The following MREG variants were observed in gnomAD, a reference collection of about 807,000 sequenced individuals.
The protein encoded by MREG is melanoregulin.
Under a neutral mutation model 28.5 loss-of-function variants are expected in MREG, and 31 were observed. The ratio of observed to expected loss-of-function variants is 1.09; its 90% CI spans 0.82 to 1.47. The LOEUF (loss-of-function observed/expected upper bound fraction) is 1.47. MREG is among the 40% of genes most tolerant of loss of function. MREG has a pLI of 0.00. For missense variants in MREG, 256 were observed against 257.4 expected (o/e 0.99, Z 0.04); for synonymous variants, 106 against 95.2 (o/e 1.11, Z -0.66).
chr2:216,018,541 T>A (rs1300404383), upstream of MREG, among the ~76,000 whole-genome samples: 1 of 152,142 alleles, frequency 6.6e-6, no homozygotes, highest in African/African-American at 2.4e-5. Context: ...GCTGCCCACA[T>A]CCAGCAGAGA....
At position 215,944,365 on chromosome 2, in the gene MREG, G is replaced by A. The variant is rs936993626; in HGVS notation, c.*498C>T. 1 of 152,398 alleles carries A rather than the reference G, an allele frequency of 6.6e-6. No homozygotes were observed. Among genetic ancestry groups the A allele is most frequent in the Non-Finnish European group, 1.5e-5 (1 of 68,218 alleles). 9.4% of individuals were successfully genotyped at this position (152,398 alleles called of 1,614,324 possible). On this transcript the variant is annotated 3_prime_UTR_variant, in exon 5 of 5. Coordinates refer to ENST00000263268, the MANE Select transcript of MREG (RefSeq NM_018000.3). Reference sequence around the variant, plus strand: ...AAGAGATGCCCTGACACCCTCCAAGGTTCTACAAGGTGACCAAATCAGAGA... The same window carrying A: ...AAGAGATGCCCTGACACCCTCCAAGATTCTACAAGGTGACCAAATCAGAGA...
At position 215,989,338 on chromosome 2, in the gene MREG, G is replaced by A. The variant is rs568434332; in HGVS notation, c.255+6968C>T. Among the ~76,000 whole-genome samples, 9 of 152,290 alleles carry A rather than the reference G, an allele frequency of 5.9e-5. No homozygotes were observed. In the South Asian group the frequency reaches 1.7e-3, roughly 28 times the overall value. ...AGAAGGAAAACTAACAAACAGAAAG[G>A]AATAGCATCAACATGAACAAAAAGA... On this transcript the variant is annotated intron_variant, in intron 2 of 4. Transcript: ENST00000263268.
intron 2 of MREG, among the ~76,000 whole-genome samples, chr2:215,984,546 T>TAAAAAAAAAAAAAAAAAAAAAA (rs1693515801): frequency 9.1e-6 from 1 of 110,148 alleles, no homozygotes; most frequent in African/African-American, 3.7e-5. Flanking sequence ...AAAAAAAAAT[T>TAAAAAAAAAAAAAAAAAAAAAA]AAGGCTTTTT....
At chr2:215,988,143 G>A (rs368155381) in intron 2 of MREG, among the ~76,000 whole-genome samples, 4 of 152,182 alleles carry the variant, frequency 2.6e-5, no homozygotes, top group East Asian at 3.9e-4. Flanking sequence ...TGCAGCTCAC[G>A]GTGAGATCAA....
chr2:216,019,992 C>T (rs1451927088), intron 1 of MREG, among the ~76,000 whole-genome samples: 1 of 151,936 alleles, frequency 6.6e-6, no homozygotes, highest in East Asian at 1.9e-4. Context: ...ATAATTCTGC[C>T]CTTTTAAAAA....
chr2:215,975,205 A>G (rs1290590807), intron 2 of MREG, among the ~76,000 whole-genome samples: 2 of 152,044 alleles, frequency 1.3e-5, no homozygotes, highest in Non-Finnish European at 2.9e-5. Context: ...ATACCCATTT[A>G]GCAATAGATC....
chr2:215,945,543 G>A (rs1390258723), intron 4 of MREG, 28 bp downstream of exon 4: 5 of 1,599,410 alleles, frequency 3.1e-6, no homozygotes, highest in Admixed American at 1.8e-5. Flanking sequence ...AGCAAAATTA[G>A]GGCAAATGAA....
At chr2:215,984,518 C>CAAAAAAAAAAAAAAAAAAAAAAAAA (rs375220091) in intron 2 of MREG, among the ~76,000 whole-genome samples, 2 of 68,064 alleles carry the variant, frequency 2.9e-5, no homozygotes, top group African/African-American at 1.4e-4. Context: ...ACCTTGTCAC[C>CAAAAAAAAAAAAAAAAAAAAAAAAA]AAAAAAAAAA....
rs1442410261 is a variant in MREG at position 215,996,239 on chromosome 2, C to T, written c.255+67G>A. On this transcript the variant is annotated intron_variant, in intron 2 of 4. Coordinates refer to ENST00000263268, the MANE Select transcript of MREG (RefSeq NM_018000.3). The stretch of plus-strand genomic sequence containing the variant: ...CTTTTTGTTATTTCAAGGGGATCTT[C>T]TCAGGAATTACTATTTTTTACTATA... 3.1e-5 allele frequency: 45 copies of T among 1,459,524 alleles called. 1 individual carries two copies. In the South Asian group the frequency reaches 4.2e-4, roughly 14 times the overall value. The allele number at this position is 1,459,524 out of a possible 1,614,324, so 90.4% of individuals were successfully genotyped here.
intron 2 of MREG, among the ~76,000 whole-genome samples, chr2:215,957,916 C>T (rs551062314): frequency 6.6e-6 from 1 of 152,206 alleles, no homozygotes; most frequent in East Asian, 1.9e-4. Flanking sequence ...CCATGGAATA[C>T]TACGCAGCCA....
chr2:216,008,993 G>A (rs926788929), intron 1 of MREG, among the ~76,000 whole-genome samples: 2 of 152,166 alleles, frequency 1.3e-5, no homozygotes, highest in Non-Finnish European at 2.9e-5. Flanking sequence ...GCCCTATGAA[G>A]CACAGCTGAT....
Position 216,013,423 on chromosome 2 carries a change from G to A in MREG, c.-96C>T. 3 of 841,202 alleles carry A rather than the reference G, an allele frequency of 3.6e-6. No homozygotes were observed. In the African/African-American group the frequency reaches 5.4e-5, roughly 15 times the overall value. 52.1% of individuals were successfully genotyped at this position (841,202 alleles called of 1,614,324 possible). A position where few individuals can be genotyped will look rare whatever the true frequency, so the allele number is the denominator to read the frequency against. ...GCGCGGCCACCGCGCCAGCGTCCAGGTGCGGGGACAGCGGCAGCCCGGGCG... is the reference window on the plus strand; with the variant it reads ...GCGCGGCCACCGCGCCAGCGTCCAGATGCGGGGACAGCGGCAGCCCGGGCG... On this transcript the variant is annotated 5_prime_UTR_variant, in exon 1 of 5. Coordinates refer to ENST00000263268, the MANE Select transcript of MREG (RefSeq NM_018000.3).
rs530408003 is a variant in MREG, at chr2:215,961,425, C to T, written c.256-14312G>A. Among the ~76,000 whole-genome samples, 9 of 152,016 alleles carry T rather than the reference C, an allele frequency of 5.9e-5. No homozygotes were observed. The South Asian group carries it at 1.5e-3, about 25-fold the overall frequency. On this transcript the variant is annotated intron_variant, in intron 2 of 4. Transcript: ENST00000263268. ...GTATCAGATTCACATGCAGGCCCCC[C>T]GCCTTTTTTGTTTTTTTTGAGACAG...
chr2:216,009,024 A>G (rs1694230736), intron 1 of MREG, among the ~76,000 whole-genome samples: 1 of 152,202 alleles, frequency 6.6e-6, no homozygotes, highest in African/African-American at 2.4e-5. Context: ...TGTGGTAGTT[A>G]GGTTCTGTAA....
chr2:215,947,159 A>C, intron 2 of MREG, 46 bp from the exon 3 acceptor site: 1 of 1,261,754 alleles, frequency 7.9e-7, no homozygotes, highest in Non-Finnish European at 1.1e-6. Flanking sequence ...CCTTGGCTTA[A>C]ACCTCTATCT....
intron 3 of MREG, among the ~76,000 whole-genome samples, chr2:215,946,817 G>A (rs1310218268): frequency 8.5e-5 from 13 of 152,184 alleles, no homozygotes. Flanking sequence ...GGCAGAGTGT[G>A]TCCTGAAGAC....
upstream of MREG, among the ~76,000 whole-genome samples, chr2:216,014,663 A>T (rs182652039): frequency 1.9e-3 from 289 of 150,516 alleles, no homozygotes; most frequent in Non-Finnish European, 2.9e-3. Context: ...AAAAAAAAAT[A>T]AAATTAAAGA....
intron 2 of MREG, among the ~76,000 whole-genome samples, chr2:215,980,844 G>T (rs1006684899): frequency 1.4e-5 from 2 of 145,458 alleles, no homozygotes; most frequent in Admixed American, 6.8e-5. Flanking sequence ...GAAGCAGAGA[G>T]GAGGGGAGGG....
chr2:216,006,623 T>C (rs143875823), intron 1 of MREG, among the ~76,000 whole-genome samples: 16 of 152,282 alleles, frequency 1.1e-4, no homozygotes, highest in African/African-American at 3.9e-4. Flanking sequence ...TAGTATGTGC[T>C]GGGAAAAAAG....
Sources: gnomAD v4.1 joint callset for allele counts (sites outside exome capture counted in the v4.1 genomes callset) on GRCh38, gnomAD v4.1.1 for gene constraint, MANE v1.5 for transcripts, NCBI Gene and HGNC (gene_info 2026-07-23, HGNC 2026-07-21) for gene names.